The following HEATR5B variants were observed in gnomAD, a reference collection of about 807,000 sequenced individuals.
HEATR5B encodes the protein HEAT repeat containing 5B.
A neutral mutation model predicts 224.1 loss-of-function variants in HEATR5B; 156 were observed. The ratio of observed to expected loss-of-function variants is 0.70; its 90% confidence interval spans 0.61 to 0.80. HEATR5B has a LOEUF of 0.80. HEATR5B is among the 30% of genes least tolerant of loss of function. HEATR5B has a pLI of 0.00. For missense variants in HEATR5B, 2,323 were observed against 2,535.5 expected (o/e 0.92, Z 1.80); for synonymous variants, 1,027 against 893.0 (o/e 1.15, Z -2.68).
intron 5 of HEATR5B, 69 bp from the exon 6 acceptor site, chr2:37,072,350 C>A: frequency 9.1e-7 from 1 of 1,097,016 alleles, no homozygotes. Flanking sequence ...ATAGCAAGAA[C>A]CAGACTTACC....
At chr2:37,065,600 C>T (rs372911342) in intron 9 of HEATR5B, among the ~76,000 whole-genome samples, 155 bp downstream of exon 9, 11 of 152,156 alleles carry the variant, frequency 7.2e-5, no homozygotes, top group African/African-American at 1.7e-4. Flanking sequence ...CGAGCCACCA[C>T]GCCCAGCCTA....
intron 21 of HEATR5B, among the ~76,000 whole-genome samples, chr2:37,034,905 G>A (rs964113185): frequency 6.6e-6 from 1 of 152,060 alleles, no homozygotes; most frequent in Non-Finnish European, 1.5e-5. Flanking sequence ...AGACATTTTG[G>A]AGCTTTCAAA....
chr2:37,029,008 T>C, intron 22 of HEATR5B, 88 bp from the exon 23 acceptor site: 1 of 1,336,012 alleles, frequency 7.5e-7, no homozygotes, highest in Admixed American at 2.1e-5. Flanking sequence ...GTCTTACATA[T>C]AAATTCACAA....
chr2:37,024,945 G>C (rs1668677290), intron 24 of HEATR5B, among the ~76,000 whole-genome samples: 1 of 152,140 alleles, frequency 6.6e-6, no homozygotes, highest in Non-Finnish European at 1.5e-5. Context: ...TGAAAAGGTG[G>C]GAATGAGAAG....
chr2:36,986,990 T>C (rs930667471), intron 35 of HEATR5B, among the ~76,000 whole-genome samples: 2 of 152,080 alleles, frequency 1.3e-5, no homozygotes, highest in African/African-American at 4.8e-5. Flanking sequence ...TGATCTCAAG[T>C]GATCTGCTCA....
chr2:37,068,150 C>T (rs1381656266), intron 8 of HEATR5B, among the ~76,000 whole-genome samples: 2 of 152,098 alleles, frequency 1.3e-5, no homozygotes, highest in African/African-American at 2.4e-5. Flanking sequence ...CTCTGCAAAT[C>T]TAAGACAATA....
At chr2:37,054,369 C>A (rs1220907758) in intron 16 of HEATR5B, among the ~76,000 whole-genome samples, 2 of 150,856 alleles carry the variant, frequency 1.3e-5, no homozygotes, top group Admixed American at 6.6e-5. Flanking sequence ...TTAGTAGAGA[C>A]TGGGTTTCTC....
Position 37,058,963 on chromosome 2 carries a change from C to A in HEATR5B, c.1874G>T (p.Cys625Phe), listed in dbSNP as rs1354823101. 1 of 1,609,370 alleles carries A rather than the reference C, an allele frequency of 6.2e-7. No homozygotes were observed. The change falls in exon 13 of 36, where the codon TGT becomes TTT. Residue 625 changes from cysteine (C) to phenylalanine (F), a missense_variant. Transcript: ENST00000233099. ...CACATCTTCAGTTAGTAGCTCAGGA[C>A]AATGTGCAACGAAGCTCCTCATGGC... ...LCAMRSFVAHCPELLTEDVIR... is the reference protein window; with the variant it reads ...LCAMRSFVAHFPELLTEDVIR...
At chr2:36,986,122 AAGTG>A (rs961224724) in intron 35 of HEATR5B, among the ~76,000 whole-genome samples, 1 of 152,182 alleles carries the variant, frequency 6.6e-6, no homozygotes, top group Non-Finnish European at 1.5e-5. Flanking sequence ...TGGGATTACA[AAGTG>A]AGTAAGATTC....
chr2:36,990,479 C>A (rs3796041), intron 34 of HEATR5B, among the ~76,000 whole-genome samples, 169 bp downstream of exon 34: 27,405 of 152,144 alleles, frequency 0.18, 3,123 homozygotes, highest in East Asian at 0.51. Context: ...TAAACATACA[C>A]ATGTGTTCTA....
intron 24 of HEATR5B, among the ~76,000 whole-genome samples, chr2:37,022,374 T>C (rs1190955866): frequency 3.9e-5 from 6 of 152,144 alleles, no homozygotes; most frequent in African/African-American, 1.4e-4. Context: ...AGATGGGGTT[T>C]CACCATGTTG....
rs1161526989 is a variant in HEATR5B, at chr2:37,084,273, T to C, written c.-27A>G. 2.6e-6 allele frequency: 1 copy of C among 391,446 alleles called. No homozygotes were observed. The highest frequency in any genetic ancestry group is 4.5e-6 in the Non-Finnish European group (1 of 222,096). 24.2% of individuals were successfully genotyped at this position (391,446 alleles called of 1,614,324 possible). ...TGCATGCTTCGGCGACCTCACCTCG[T>C]AGTCTGGAAGGGAAGATCAGCTGAG... is the stretch of plus-strand genomic sequence containing the variant. On this transcript the variant is annotated 5_prime_UTR_variant, in exon 1 of 36. Transcript: ENST00000233099.
rs1362521856 is a variant in HEATR5B at position 37,084,351 on chromosome 2, T to C, written c.-105A>G. On this transcript the variant is annotated 5_prime_UTR_variant, in exon 1 of 36. Transcript: ENST00000233099. ...GACCCGGATGCCCCACCTCCCGCACTCCTACCTGCAGGAAACAAGGGAAGA... is the reference window on the plus strand; with the variant it reads ...GACCCGGATGCCCCACCTCCCGCACCCCTACCTGCAGGAAACAAGGGAAGA... 2.1e-6 allele frequency: 1 copy of C among 468,484 alleles called. No individual in the cohort carries two copies. Among genetic ancestry groups the C allele is most frequent in the East Asian group, 3.5e-5 (1 of 28,272 alleles). 29.0% of individuals were successfully genotyped at this position (468,484 alleles called of 1,614,324 possible).
rs777298744 is a variant in HEATR5B, at chr2:37,040,372, T to C, written c.3003A>G (p.Arg1001=). ...SHTEVHQCLG[R]CLGAIITTVG... ...CAGTAGTTATTATAGCACCCAAGCA[T>C]CGACCCAAACACTGATGAACTTCTG... Residue 1001 remains arginine (R), a synonymous_variant, in exon 20 of 36, where the codon CGA becomes CGG. Transcript: ENST00000233099. The C allele has an allele frequency of 3.5e-5, 57 of 1,613,856 alleles. No individual in the cohort carries two copies. Among genetic ancestry groups the C allele is most frequent in the Non-Finnish European group, 4.4e-5 (52 of 1,179,966 alleles).
intron 26 of HEATR5B, among the ~76,000 whole-genome samples, chr2:37,015,256 G>A (rs763858253): frequency 2.3e-4 from 35 of 152,180 alleles, no homozygotes; most frequent in Non-Finnish European, 2.9e-5. Flanking sequence ...CATGGAAAAT[G>A]AATTTAGACT....
intron 10 of HEATR5B, among the ~76,000 whole-genome samples, chr2:37,062,590 A>G (rs1671353254): frequency 6.6e-6 from 1 of 152,188 alleles, no homozygotes; most frequent in Non-Finnish European, 1.5e-5. Flanking sequence ...TCTGCCATTT[A>G]CTCGCATTCT....
chr2:37,000,057 T>C (rs1164604630), intron 33 of HEATR5B, among the ~76,000 whole-genome samples: 2 of 151,018 alleles, frequency 1.3e-5, no homozygotes, highest in Admixed American at 6.6e-5. Context: ...ACAAAAAACC[T>C]CCCAGTATAT....
Position 37,053,453 on chromosome 2 carries a change from G to A in HEATR5B, c.2505+49C>T, listed in dbSNP as rs755084076. On this transcript the variant is annotated intron_variant, in intron 17 of 35. Transcript: ENST00000233099. ...TCTTGCTATGTCTGGCTTATTAAAT[G>A]CATTAATTAAAAACTTATTTCAGAA... is the stretch of plus-strand genomic sequence containing the variant. The A allele has an allele frequency of 1.9e-5, 19 of 982,750 alleles. No individual in the cohort carries two copies. In the South Asian group the frequency reaches 3.2e-4, roughly 16 times the overall value. 60.9% of individuals were successfully genotyped at this position (982,750 alleles called of 1,614,324 possible). A position where few individuals can be genotyped will look rare whatever the true frequency, so the allele number is the denominator to read the frequency against.
chr2:37,034,569 C>T (rs1281607169), intron 21 of HEATR5B, among the ~76,000 whole-genome samples: 1 of 139,362 alleles, frequency 7.2e-6, no homozygotes, highest in African/African-American at 2.6e-5. Flanking sequence ...GCCGAGATCC[C>T]GCCACTGCAC....
Sources: gnomAD v4.1 joint callset for allele counts (sites outside exome capture counted in the v4.1 genomes callset) on GRCh38, gnomAD v4.1.1 for gene constraint, MANE v1.5 for transcripts, NCBI Gene and HGNC (gene_info 2026-07-23, HGNC 2026-07-21) for gene names.